The following TRIM74 variants were observed in gnomAD, a reference collection of about 807,000 sequenced individuals.
TRIM74 encodes the protein tripartite motif-containing protein 74.
Under a neutral mutation model 14.5 loss-of-function variants are expected in TRIM74, and 3 were observed. The observed-to-expected ratio is 0.21, with a 90% CI of 0.09 to 0.53. The LOEUF is 0.53. TRIM74 is among the 20% of genes least tolerant of loss of function. The pLI is 0.95. For missense variants in TRIM74, 26 were observed against 174.0 expected (o/e 0.15, Z 4.79); for synonymous variants, 10 against 71.3 (o/e 0.14, Z 4.33).
downstream of TRIM74, among the ~76,000 whole-genome samples, chr7:72,955,317 G>A (rs1390644452): frequency 1.6e-5 from 2 of 128,882 alleles, no homozygotes; most frequent in Non-Finnish European, 3.2e-5. Context: ...GGCTGGCCTC[G>A]AACTCCTGAC....
downstream of TRIM74, chr7:72,955,053 T>A (rs1464240751): frequency 3.6e-5 from 23 of 647,680 alleles, no homozygotes; most frequent in African/African-American, 3.8e-4. Context: ...TCATTTCATA[T>A]ATATATGTGT....
chr7:72,963,200 T>A (rs1251839751), intron 2 of TRIM74, among the ~76,000 whole-genome samples: 2 of 152,260 alleles, frequency 1.3e-5, no homozygotes, highest in Non-Finnish European at 2.9e-5. Flanking sequence ...TTTATACCCA[T>A]GCAATGTACA....
chr7:72,962,606 T>C (rs1322223516), intron 2 of TRIM74, among the ~76,000 whole-genome samples: 2 of 40,846 alleles, frequency 4.9e-5, no homozygotes, highest in African/African-American at 1.3e-4. Flanking sequence ...GGCGTGAACC[T>C]GGGAGGCGGA....
chr7:72,967,369 T>C (rs1798311926), intron 1 of TRIM74, among the ~76,000 whole-genome samples: 1 of 152,370 alleles, frequency 6.6e-6, no homozygotes, highest in African/African-American at 2.4e-5. Context: ...GCCATCCTCC[T>C]ACCTTAGCTG....
chr7:72,954,894 C>A, downstream of TRIM74: 1 of 544,006 alleles, frequency 1.8e-6, no homozygotes, highest in South Asian at 1.7e-5. Flanking sequence ...TGCGGGCGCA[C>A]CTGCTGGGGT....
At chr7:72,955,111 A>ATATATATATATATATATATATT (rs1346659193), downstream of TRIM74, 1 of 112,060 alleles carries the variant, frequency 8.9e-6, no homozygotes, top group African/African-American at 4.1e-5. Context: ...ATATATATAT[A>ATATATATATATATATATATATT]TTTTTTTTTT....
downstream of TRIM74, chr7:72,954,961 T>C (rs1554505374): frequency 1.7e-6 from 1 of 594,498 alleles, no homozygotes; most frequent in Non-Finnish European, 3.0e-6. Context: ...CTTCAGTCTT[T>C]GTCAATCTGA....
chr7:72,963,933 T>C (rs1798231987), intron 2 of TRIM74, among the ~76,000 whole-genome samples: 1 of 49,508 alleles, frequency 2.0e-5, no homozygotes, highest in African/African-American at 7.4e-5. Context: ...TTTAACACTT[T>C]TCAGTCCTCA....
downstream of TRIM74, among the ~76,000 whole-genome samples, chr7:72,957,012 CAG>C (rs1192135301): frequency 7.5e-4 from 115 of 152,340 alleles, no homozygotes; most frequent in East Asian, 0.017. Context: ...CCCAGCTACT[CAG>C]GGGGCTAAGT....
intron 2 of TRIM74, among the ~76,000 whole-genome samples, chr7:72,963,653 T>C (rs2129582338): frequency 7.1e-6 from 1 of 141,570 alleles, no homozygotes; most frequent in Admixed American, 7.1e-5. Flanking sequence ...GGAGGATCAC[T>C]TGAGGCCAGG....
chr7:72,969,496 G>T, upstream of TRIM74: 1 of 715,716 alleles, frequency 1.4e-6, no homozygotes, highest in Non-Finnish European at 2.3e-6. Context: ...CCGCCACCTC[G>T]CGCCCCTGCA....
chr7:72,955,907 T>C (rs1449298281), downstream of TRIM74, among the ~76,000 whole-genome samples: 3 of 148,020 alleles, frequency 2.0e-5, no homozygotes, highest in African/African-American at 7.6e-5. Flanking sequence ...TGGCCTAAAG[T>C]GATCTTCCCA....
chr7:72,955,211 C>T (rs1249792531), downstream of TRIM74, among the ~76,000 whole-genome samples: 1 of 121,488 alleles, frequency 8.2e-6, no homozygotes, highest in Non-Finnish European at 1.7e-5. Context: ...ATTCTCCTGC[C>T]TCACCCTCTG....
rs782181617 is a variant in TRIM74 at position 72,965,858 on chromosome 7, G to A, written c.300C>T (p.Cys100=). The A allele has an allele frequency of 1.5e-5, 4 of 272,152 alleles. 1 individual carries two copies. Among genetic ancestry groups the A allele is most frequent in the Non-Finnish European group, 1.7e-5 (3 of 171,528 alleles). 16.9% of individuals were successfully genotyped at this position (272,152 alleles called of 1,614,324 possible). ...CACAGATGAGCTCCTGGTCCTTCTCGCAGAAAAGGCTGAGCGGGTTCCGGT... is the reference window on the plus strand; with the variant it reads ...CACAGATGAGCTCCTGGTCCTTCTCACAGAAAAGGCTGAGCGGGTTCCGGT... The part of the protein sequence containing the change: ...VHHRNPLSLF[C]EKDQELICGL... Residue 100 remains cysteine, a synonymous_variant, in exon 2 of 5, where the codon TGC becomes TGT. Coordinates refer to ENST00000285805, the MANE Select transcript of TRIM74 (RefSeq NM_198853.3).
chr7:72,955,089 A>G (rs368963562), downstream of TRIM74: 1,144 of 131,924 alleles, frequency 8.7e-3, 28 homozygotes, highest in African/African-American at 0.032. Flanking sequence ...GTATGTGTGT[A>G]TATATATATA....
At chr7:72,967,247 G>T (rs868928431) in intron 1 of TRIM74, among the ~76,000 whole-genome samples, 608 of 145,446 alleles carry the variant, frequency 4.2e-3, no homozygotes, top group Middle Eastern at 0.014. Flanking sequence ...ATCCTTTTTT[G>T]GGGGGGGTGG....
downstream of TRIM74, chr7:72,955,111 A>ATATATATATATATATATATATTTTTT (rs1346659193): frequency 8.9e-6 from 1 of 112,066 alleles, no homozygotes; most frequent in African/African-American, 4.1e-5. Context: ...ATATATATAT[A>ATATATATATATATATATATATTTTTT]TTTTTTTTTT....
intron 2 of TRIM74, among the ~76,000 whole-genome samples, chr7:72,962,683 A>C (rs1371925791): frequency 7.1e-6 from 1 of 140,748 alleles, no homozygotes; most frequent in Non-Finnish European, 1.5e-5. Context: ...TCCGTCTCAA[A>C]AAAAAAAAAA....
intron 1 of TRIM74, among the ~76,000 whole-genome samples, chr7:72,967,622 AT>A (rs528084879): frequency 7.8e-4 from 70 of 89,852 alleles, no homozygotes; most frequent in East Asian, 3.2e-3. Flanking sequence ...GATCTCTCGA[AT>A]TTTTTTTTTT....
Sources: gnomAD v4.1 joint callset for allele counts (sites outside exome capture counted in the v4.1 genomes callset) on GRCh38, gnomAD v4.1.1 for gene constraint, MANE v1.5 for transcripts, NCBI Gene and HGNC (gene_info 2026-07-23, HGNC 2026-07-21) for gene names.